VAV3: variants seen among roughly 807,000 people sequenced by gnomAD.
VAV3 encodes the protein guanine nucleotide exchange factor VAV3.
In VAV3, 94 loss-of-function variants were observed where a neutral mutation model predicts 131.2. That is an observed-to-expected ratio of 0.72 (90% CI 0.61 to 0.85). The LOEUF is 0.85. Ranked by LOEUF, VAV3 falls within the 40% of genes least tolerant of loss-of-function variation. The pLI is 0.00. For missense variants in VAV3, 939 were observed against 1,002.7 expected (o/e 0.94, Z 0.86); for synonymous variants, 349 against 342.0 (o/e 1.02, Z -0.22).
At chr1:107,757,437 T>C in intron 10 of VAV3, 108 bp from the exon 11 acceptor site, 6 of 984,758 alleles carry the variant, frequency 6.1e-6, no homozygotes, top group Non-Finnish European at 8.7e-6. Context: ...CTCTCTATAA[T>C]GTGATAAATC....
chr1:107,584,253 C>A (rs988618285), intron 25 of VAV3, among the ~76,000 whole-genome samples: 2 of 152,108 alleles, frequency 1.3e-5, no homozygotes, highest in African/African-American at 4.8e-5. Context: ...ATACAAGAAT[C>A]AATTCAAGAT....
At chr1:107,798,313 G>A (rs529659316) in intron 2 of VAV3, among the ~76,000 whole-genome samples, 1 of 152,198 alleles carries the variant, frequency 6.6e-6, no homozygotes, top group South Asian at 2.1e-4. Context: ...AAAATAGGAG[G>A]GGTGTTCTCA....
At chr1:107,751,648 T>G (rs1213444180) in intron 12 of VAV3, among the ~76,000 whole-genome samples, 2 of 144,216 alleles carry the variant, frequency 1.4e-5, no homozygotes, top group South Asian at 5.0e-4. Context: ...AAACGCACAA[T>G]TGCCATGAAG....
intron 2 of VAV3, among the ~76,000 whole-genome samples, chr1:107,863,679 C>T (rs755445653): frequency 3.5e-4 from 53 of 152,098 alleles, no homozygotes; most frequent in Non-Finnish European, 6.0e-4. Context: ...TATATAGATA[C>T]GTATATCTTG....
chr1:107,812,915 A>C (rs1430795231), intron 2 of VAV3, among the ~76,000 whole-genome samples: 1 of 152,086 alleles, frequency 6.6e-6, no homozygotes, highest in African/African-American at 2.4e-5. Context: ...CGAGATCAGG[A>C]GATTGAGATC....
chr1:107,803,104 C>G lies in VAV3; in HGVS notation c.322-23612G>C, dbSNP rs190613106. 1.1e-3 allele frequency among the ~76,000 whole-genome samples: 160 copies of G among 151,978 alleles called. 1 individual carries two copies. Among genetic ancestry groups the G allele is most frequent in the African/African-American group, 3.8e-3 (156 of 41,538 alleles). On this transcript the variant is annotated intron_variant, in intron 2 of 26. Transcript: ENST00000370056. ...GTGTCCAGGCATTTATCTGTTTCTT[C>G]TAGTTTTCCCAATTTGTTGGCCTAT...
intron 1 of VAV3, among the ~76,000 whole-genome samples, chr1:107,924,555 CA>C (rs984805494): frequency 6.6e-6 from 1 of 152,112 alleles, no homozygotes; most frequent in Non-Finnish European, 1.5e-5. Flanking sequence ...ATACCACCAC[CA>C]AAAATATCTA....
At chr1:107,646,221 C>T (rs530667115) in intron 19 of VAV3, among the ~76,000 whole-genome samples, 168 of 151,342 alleles carry the variant, frequency 1.1e-3, no homozygotes, top group African/African-American at 4.1e-3. Context: ...AACAGACAGT[C>T]ATATTCCTTA....
intron 19 of VAV3, among the ~76,000 whole-genome samples, chr1:107,667,978 C>T (rs1247448103): frequency 1.3e-5 from 2 of 152,130 alleles, no homozygotes; most frequent in Admixed American, 1.3e-4. Flanking sequence ...AAGCTCTTTC[C>T]CAGGCTCTCC....
At chr1:107,603,350 T>A (rs879590063) in intron 22 of VAV3, among the ~76,000 whole-genome samples, 187 bp from the exon 23 acceptor site, 2 of 152,142 alleles carry the variant, frequency 1.3e-5, no homozygotes, top group Admixed American at 1.3e-4. Flanking sequence ...ACAAATGCTC[T>A]ACAAAACTAA....
intron 25 of VAV3, among the ~76,000 whole-genome samples, chr1:107,592,247 T>C (rs1033295542): frequency 1.3e-5 from 2 of 152,100 alleles, no homozygotes; most frequent in African/African-American, 2.4e-5. Context: ...GTCTTTTAGT[T>C]TGGGATTGTC....
chr1:107,840,234 T>C lies in VAV3; in HGVS notation c.321+34667A>G, dbSNP rs532265849. ...TGTAAATGTTGTAAATGTTACAGTG[T>C]TAGCAGTGTAAATCACTGCTTTAAA... On this transcript the variant is annotated intron_variant, in intron 2 of 26. Coordinates refer to ENST00000370056, the MANE Select transcript of VAV3 (RefSeq NM_006113.5). 1.9e-3 allele frequency among the ~76,000 whole-genome samples: 286 copies of C among 152,328 alleles called. 1 individual carries two copies. The highest frequency in any genetic ancestry group is 3.2e-3 in the Non-Finnish European group (221 of 68,022).
rs1655178115 is a variant in VAV3 at position 107,639,537 on chromosome 1, CAA to C, written c.1914+3080_1914+3081del. Among the ~76,000 whole-genome samples the C allele has an allele frequency of 2.0e-5, 3 of 152,068 alleles. No homozygotes were observed. The South Asian group carries it at 6.3e-4, about 32-fold the overall frequency. ...AATATTTGAACAAGCACTTCACCAG[CAA>C]AGTTATATAGATGGTAAACAAGCAC... On this transcript the variant is annotated intron_variant, in intron 20 of 26. Transcript: ENST00000370056.
chr1:107,747,254 C>T (rs1447358865), intron 15 of VAV3, among the ~76,000 whole-genome samples: 1 of 152,138 alleles, frequency 6.6e-6, no homozygotes, highest in East Asian at 1.9e-4. Flanking sequence ...ACATGCCTGT[C>T]ATACAGTCCA....
chr1:107,776,473 A>T (rs2102211195), intron 4 of VAV3, among the ~76,000 whole-genome samples: 1 of 152,288 alleles, frequency 6.6e-6, no homozygotes, highest in Non-Finnish European at 1.5e-5. Flanking sequence ...CTAAGCAAAA[A>T]CTTGAACGCT....
chr1:107,640,362 C>CA (rs1655254080), intron 20 of VAV3, among the ~76,000 whole-genome samples: 1 of 151,996 alleles, frequency 6.6e-6, no homozygotes, highest in Non-Finnish European at 1.5e-5. Context: ...ATAAGCCATA[C>CA]AAAAAACAAT....
chr1:107,857,775 CTT>C (rs1669538399), intron 2 of VAV3, among the ~76,000 whole-genome samples: 1 of 152,092 alleles, frequency 6.6e-6, no homozygotes, highest in East Asian at 1.9e-4. Flanking sequence ...GAATTGTCAA[CTT>C]TACCAAAAGA....
chr1:107,859,740 A>G (rs1571055353), intron 2 of VAV3, among the ~76,000 whole-genome samples: 1 of 152,216 alleles, frequency 6.6e-6, no homozygotes, highest in Middle Eastern at 3.2e-3. Context: ...TCAAATCAAG[A>G]TATTTATAAA....
chr1:107,649,679 A>G lies in VAV3; in HGVS notation c.1778-6924T>C, dbSNP rs147892788. 3.2e-4 allele frequency among the ~76,000 whole-genome samples: 48 copies of G among 152,238 alleles called. 1 individual carries two copies. Among genetic ancestry groups the G allele is most frequent in the African/African-American group, 1.1e-3 (47 of 41,562 alleles). ...ATCAGTCCACTCATAAAGGATATCTAAAGGAGAAGATAACAGCGTAAAAGT... is the reference window on the plus strand; with the variant it reads ...ATCAGTCCACTCATAAAGGATATCTGAAGGAGAAGATAACAGCGTAAAAGT... On this transcript the variant is annotated intron_variant, in intron 19 of 26. Coordinates refer to ENST00000370056, the MANE Select transcript of VAV3 (RefSeq NM_006113.5).
Sources: allele counts gnomAD v4.1 joint callset (sites outside exome capture counted in the v4.1 genomes callset), GRCh38; gene constraint gnomAD v4.1.1; transcripts MANE v1.5; gene names NCBI Gene and HGNC (gene_info 2026-07-23, HGNC 2026-07-21).